The following GPBP1L1 variants were observed in gnomAD, a reference collection of about 807,000 sequenced individuals.
GPBP1L1 encodes the protein vasculin-like protein 1.
A neutral mutation model predicts 52.5 loss-of-function variants in GPBP1L1; 23 were observed. The observed-to-expected ratio is 0.44, with a 90% CI of 0.32 to 0.62. The LOEUF is 0.62. Ranked by LOEUF, GPBP1L1 falls within the 20% of genes least tolerant of loss-of-function variation. The pLI, the probability that GPBP1L1 is intolerant of heterozygous loss-of-function variation, is 0.06. For missense variants in GPBP1L1, 596 were observed against 579.3 expected (o/e 1.03, Z -0.30); for synonymous variants, 243 against 203.1 (o/e 1.20, Z -1.67).
At chr1:45,678,244 A>G (rs1410444792) in intron 2 of GPBP1L1, among the ~76,000 whole-genome samples, 1 of 152,242 alleles carries the variant, frequency 6.6e-6, no homozygotes. Context: ...ATGCGAATAT[A>G]CTAAAAACCA....
intron 3 of GPBP1L1, among the ~76,000 whole-genome samples, chr1:45,659,517 A>C (rs1644922692): frequency 6.6e-6 from 1 of 152,196 alleles, no homozygotes. Context: ...GGTTTTATGA[A>C]GGAAGCTAAT....
At chr1:45,661,427 T>G (rs1030805407) in intron 2 of GPBP1L1, among the ~76,000 whole-genome samples, 1 of 152,096 alleles carries the variant, frequency 6.6e-6, no homozygotes, top group Non-Finnish European at 1.5e-5. Context: ...TTTTAAGGAT[T>G]TGAGAAAAGT....
intron 2 of GPBP1L1, among the ~76,000 whole-genome samples, chr1:45,683,105 T>C (rs1569900533): frequency 6.6e-6 from 1 of 151,532 alleles, no homozygotes; most frequent in Non-Finnish European, 1.5e-5. Flanking sequence ...CTGCCTTTCA[T>C]CTTTTAGACC....
chr1:45,647,380 G>C (rs1398456996), intron 6 of GPBP1L1, among the ~76,000 whole-genome samples: 1 of 151,996 alleles, frequency 6.6e-6, no homozygotes, highest in Non-Finnish European at 1.5e-5. Flanking sequence ...ATTTCCAACA[G>C]TTTGTCCTCA....
intron 2 of GPBP1L1, among the ~76,000 whole-genome samples, chr1:45,681,696 T>C (rs2148522462): frequency 6.6e-6 from 1 of 152,362 alleles, no homozygotes; most frequent in African/African-American, 2.4e-5. Flanking sequence ...TATTATTTAT[T>C]ACAACAACCC....
At chr1:45,641,327 G>A (rs944887663) in intron 7 of GPBP1L1, among the ~76,000 whole-genome samples, 1 of 152,020 alleles carries the variant, frequency 6.6e-6, no homozygotes, top group Non-Finnish European at 1.5e-5. Flanking sequence ...CCACAGATGA[G>A]GTTTGGTTTG....
chr1:45,629,948 G>A (rs1242813974), intron 11 of GPBP1L1, among the ~76,000 whole-genome samples: 1 of 151,384 alleles, frequency 6.6e-6, no homozygotes, highest in Non-Finnish European at 1.5e-5. Context: ...AGCACTTGCA[G>A]TCTGGCTTTT....
In GPBP1L1 at chr1:45,628,241, T is replaced by C. The variant is rs1319693944; in HGVS notation, c.*15A>G. The C allele has an allele frequency of 1.9e-6, 3 of 1,612,902 alleles. No homozygotes were observed. On this transcript the variant is annotated 3_prime_UTR_variant, in exon 13 of 13. Coordinates refer to ENST00000355105, the MANE Select transcript of GPBP1L1 (RefSeq NM_021639.5). ...GAGTTTACTGGGTCAGATTTAACTGTGAGCATTTATATGCCTACTTCCAGG... is the reference window on the plus strand; with the variant it reads ...GAGTTTACTGGGTCAGATTTAACTGCGAGCATTTATATGCCTACTTCCAGG...
chr1:45,673,316 G>A (rs1645097144), intron 2 of GPBP1L1, among the ~76,000 whole-genome samples: 1 of 152,206 alleles, frequency 6.6e-6, no homozygotes, highest in Middle Eastern at 3.2e-3. Context: ...CAGAGGAGTT[G>A]AGGGGTGTGA....
chr1:45,640,347 T>A lies in GPBP1L1; in HGVS notation c.607A>T (p.Lys203Ter). 2 of 1,614,172 alleles carry A rather than the reference T, an allele frequency of 1.2e-6. No homozygotes were observed. Among genetic ancestry groups the A allele is most frequent in the Non-Finnish European group, 1.7e-6 (2 of 1,180,024 alleles). The change falls in exon 8 of 13, where the codon AAA becomes TAA. Residue 203 changes from lysine (K) to a stop codon, truncating the protein, a stop_gained. Transcript: ENST00000355105. LOFTEE classifies it high-confidence loss of function. ...GAGAAGGCAGCAGCAGGATCCTCTT[T>A]GGAAACTTTTTTGATAACTAGCATC... ...SKMLVIKKVS[K>*]EDPAAAFSAA...
At chr1:45,685,057 T>G (rs1296486628) in intron 2 of GPBP1L1, among the ~76,000 whole-genome samples, 1 of 151,742 alleles carries the variant, frequency 6.6e-6, no homozygotes, top group African/African-American at 2.4e-5. Flanking sequence ...AACTTCTGGA[T>G]CTATCGATTA....
chr1:45,661,629 G>GT (rs906747020), intron 2 of GPBP1L1, among the ~76,000 whole-genome samples: 16 of 151,952 alleles, frequency 1.1e-4, no homozygotes, highest in African/African-American at 3.6e-4. Flanking sequence ...CTAATTTTTT[G>GT]TATCTTTAGT....
intron 2 of GPBP1L1, among the ~76,000 whole-genome samples, chr1:45,677,202 G>A (rs1645157275): frequency 6.6e-6 from 1 of 152,050 alleles, no homozygotes; most frequent in Non-Finnish European, 1.5e-5. Context: ...CACGCATGGT[G>A]GCGCATGCCT....
intron 2 of GPBP1L1, among the ~76,000 whole-genome samples, chr1:45,681,546 C>G (rs926707036): frequency 6.6e-6 from 1 of 152,130 alleles, no homozygotes; most frequent in Non-Finnish European, 1.5e-5. Flanking sequence ...GAAAGAAAAA[C>G]ACCCCTCCGT....
chr1:45,657,804 G>C (rs1310727404), intron 4 of GPBP1L1, among the ~76,000 whole-genome samples: 1 of 152,196 alleles, frequency 6.6e-6, no homozygotes, highest in Admixed American at 6.5e-5. Context: ...AATGAATTAT[G>C]ACCATGCCAC....
chr1:45,646,431 ATCT>A (rs1644746551), intron 6 of GPBP1L1, among the ~76,000 whole-genome samples: 1 of 152,126 alleles, frequency 6.6e-6, no homozygotes, highest in Non-Finnish European at 1.5e-5. Flanking sequence ...GCCAAAGGAT[ATCT>A]TTCTTTTTTT....
chr1:45,678,367 C>T lies in GPBP1L1; in HGVS notation c.-1098+7209G>A, dbSNP rs78725756. The stretch of plus-strand genomic sequence containing the variant: ...GATACGGGACTGGGAAATCCTTCGC[C>T]ACCAAGGTAACACCATGCAAATTAG... On this transcript the variant is annotated intron_variant, in intron 2 of 12. Transcript: ENST00000355105. 6.2e-3 allele frequency among the ~76,000 whole-genome samples: 944 copies of T among 152,246 alleles called. 6 individuals carry two copies. The highest frequency in any genetic ancestry group is 0.022 in the African/African-American group (911 of 41,540).
intron 12 of GPBP1L1, 119 bp downstream of exon 12, chr1:45,629,457 C>A (rs1177159975): frequency 5.3e-5 from 5 of 93,982 alleles, no homozygotes; most frequent in South Asian, 5.8e-4. Context: ...AAGGTAATCC[C>A]CCCCCCCCCC....
At chr1:45,674,002 C>T (rs1025214582) in intron 2 of GPBP1L1, among the ~76,000 whole-genome samples, 8 of 152,164 alleles carry the variant, frequency 5.3e-5, no homozygotes, top group South Asian at 2.1e-4. Flanking sequence ...CTCTTGAACA[C>T]GGGAGCGGGA....
Sources: allele counts gnomAD v4.1 joint callset (sites outside exome capture counted in the v4.1 genomes callset), GRCh38; gene constraint gnomAD v4.1.1; transcripts MANE v1.5; gene names NCBI Gene and HGNC (gene_info 2026-07-23, HGNC 2026-07-21).